SZT2: variants seen among roughly 807,000 people sequenced by gnomAD.
SZT2 encodes the protein KICSTOR complex protein SZT2.
In SZT2, 216 loss-of-function variants were observed where a neutral mutation model predicts 404.2. The ratio of observed to expected loss-of-function variants is 0.53; its 90% CI spans 0.48 to 0.60. SZT2 has a LOEUF of 0.60. SZT2 is among the 20% of genes least tolerant of loss of function. The pLI, the probability that SZT2 is intolerant of heterozygous loss-of-function variation, is 0.00. For synonymous variants in SZT2, 1,693 were observed against 1,749.9 expected (o/e 0.97, Z 0.81); for missense variants, 3,857 against 4,459.2 (o/e 0.86, Z 3.85).
chr1:43,402,618 C>T (rs1205326327), intron 1 of SZT2, among the ~76,000 whole-genome samples: 1 of 152,178 alleles, frequency 6.6e-6, no homozygotes, highest in East Asian at 1.9e-4. Flanking sequence ...AAGTGGCCAC[C>T]TATGAGGCAA....
At chr1:43,449,734 A>G in intron 70 of SZT2, 1 of 354,910 alleles carries the variant, frequency 2.8e-6, no homozygotes, top group Non-Finnish European at 5.4e-6. Context: ...GTTAGGGAGC[A>G]GATGGACATA....
chr1:43,416,388 T>A (rs982612421), intron 6 of SZT2, 147 bp from the exon 7 acceptor site: 4 of 697,882 alleles, frequency 5.7e-6, no homozygotes, highest in Middle Eastern at 7.9e-4. Context: ...GGAAAGGTGT[T>A]TGAAGTTTAT....
chr1:43,447,689 C>T lies in SZT2; in HGVS notation c.9431C>T (p.Ala3144Val), dbSNP rs866640490. 1.2e-6 allele frequency: 2 copies of T among 1,613,912 alleles called. No individual in the cohort carries two copies. Among genetic ancestry groups the T allele is most frequent in the Non-Finnish European group, 1.7e-6 (2 of 1,179,914 alleles). ...PEHNEYALVS[A>V]WHSSGSYLDS... ...CACAACGAGTATGCCCTGGTGTCGG[C>T]ATGGCACAGGTAAGGCTGAGAGGGG... Residue 3144 changes from alanine (A) to valine (V), a missense_variant, in exon 67 of 72, where the codon GCA (alanine) becomes GTA (valine). Around this residue, in one of 7 missense-constraint regions of SZT2, gnomAD observed 717 missense variants for 868.2 expected, o/e 0.83. Coordinates refer to ENST00000634258, the MANE Select transcript of SZT2 (RefSeq NM_001365999.1).
intron 62 of SZT2, 104 bp downstream of exon 62, chr1:43,443,900 C>G: frequency 1.4e-6 from 2 of 1,439,818 alleles, no homozygotes. Context: ...ACAATTTGGG[C>G]TGGGCCTGTG....
intron 4 of SZT2, among the ~76,000 whole-genome samples, chr1:43,408,903 TC>T (rs1219871495): frequency 6.6e-6 from 1 of 152,238 alleles, no homozygotes; most frequent in African/African-American, 2.4e-5. Context: ...AAGTAGTTGT[TC>T]CATGGGGTCA....
At chr1:43,391,733 A>G (rs1423095967) in intron 1 of SZT2, among the ~76,000 whole-genome samples, 1 of 152,252 alleles carries the variant, frequency 6.6e-6, no homozygotes, top group Non-Finnish European at 1.5e-5. Context: ...ACCGTCCTGT[A>G]GAAATCTAAA....
Position 43,425,222 on chromosome 1 carries a change from CT to C in SZT2, c.2645+16del. On this transcript the variant is annotated intron_variant, in intron 18 of 71. Coordinates refer to ENST00000634258, the MANE Select transcript of SZT2 (RefSeq NM_001365999.1). This position sits in a 1 kb window ranked among gnomAD's most constrained non-coding sequence, Gnocchi z 4.3. ...ACCAAAGACAGGTGAGACAGGCCAT[CT>C]GTGAGGGCCGCCTCTGCAGAGTCAG... 6.2e-7 allele frequency: 1 copy of C among 1,613,846 alleles called. No homozygotes were observed.
At chr1:43,430,444 C>T in intron 31 of SZT2, 52 bp from the exon 32 acceptor site, 2 of 1,604,450 alleles carry the variant, frequency 1.2e-6, no homozygotes, top group South Asian at 2.2e-5. Context: ...CGCCGAGATT[C>T]AAGGGTTCCA....
chr1:43,433,031 A>G lies in SZT2; in HGVS notation c.5645A>G (p.Asn1882Ser), dbSNP rs573213368. The change falls in exon 40 of 72, where the codon AAT (asparagine) becomes AGT (serine). Residue 1882 changes from asparagine to serine, a missense_variant. Coordinates refer to ENST00000634258, the MANE Select transcript of SZT2 (RefSeq NM_001365999.1). ...GSSGSDSEGP[N>S]DTLGEKAPFT... ...AGTGGCTCAGACAGTGAGGGTCCCA[A>G]TGACACCCTTGGTGAGAAGGCCCCC... 1.3e-4 allele frequency: 202 copies of G among 1,614,084 alleles called. No homozygotes were observed. The highest frequency in any genetic ancestry group is 1.7e-4 in the Non-Finnish European group (196 of 1,180,012).
chr1:43,420,385 AC>A lies in SZT2; in HGVS notation c.1261+65del. ...CTCTCAAGAATTTGTGTGTGGGAAG[AC>A]CCACATGTATCACACATGAAAGAGT... is the stretch of plus-strand genomic sequence containing the variant. On this transcript the variant is annotated intron_variant, in intron 9 of 71. Transcript: ENST00000634258. The surrounding 1 kb of genome is among the most constrained non-coding windows in gnomAD (Gnocchi z 5.1). 4.8e-6 allele frequency: 7 copies of A among 1,467,418 alleles called. No individual in the cohort carries two copies. Among genetic ancestry groups the A allele is most frequent in the Non-Finnish European group, 6.3e-6 (7 of 1,105,404 alleles). The allele number at this position is 1,467,418 out of a possible 1,614,324, so 90.9% of individuals were successfully genotyped here.
rs1008698980 is a variant in SZT2, at chr1:43,453,745, G to A, written c.*3265G>A. The A allele has an allele frequency of 1.4e-6, 2 of 1,381,988 alleles. No individual in the cohort carries two copies. The highest frequency in any genetic ancestry group is 1.9e-6 in the Non-Finnish European group (2 of 1,079,854). The allele number at this position is 1,381,988 out of a possible 1,614,324, so 85.6% of individuals were successfully genotyped here. A position where few individuals can be genotyped will look rare whatever the true frequency, so the allele number is the denominator to read the frequency against. ...CGCACCCGCGCGGGGAGGCCGGAGA[G>A]CTCGGGGAATAGCCAGGACAGATTG... On this transcript the variant is annotated 3_prime_UTR_variant, in exon 72 of 72. Coordinates refer to ENST00000634258, the MANE Select transcript of SZT2 (RefSeq NM_001365999.1).
In SZT2 at chr1:43,442,798, T is replaced by A. The variant is rs1452439667; in HGVS notation, c.8152-21T>A. On this transcript the variant is annotated intron_variant, in intron 58 of 71. Coordinates refer to ENST00000634258, the MANE Select transcript of SZT2 (RefSeq NM_001365999.1). The surrounding 1 kb of genome is among the most constrained non-coding windows in gnomAD (Gnocchi z 4.5). ...TCCGAGGGCAAAGGCTATGAACCCA[T>A]TGCAATGCTCCATCTCTCAGGAGCC... is the stretch of plus-strand genomic sequence containing the variant. 1 of 1,581,024 alleles carries A rather than the reference T, an allele frequency of 6.3e-7. No homozygotes were observed. The highest frequency in any genetic ancestry group is 8.6e-7 in the Non-Finnish European group (1 of 1,163,164).
Position 43,431,896 on chromosome 1 carries a change from A to G in SZT2, c.5269A>G (p.Lys1757Glu). The change falls in exon 36 of 72, where the codon AAG becomes GAG. Residue 1757 changes from lysine (K) to glutamate (E), a missense_variant. Lys to Glu is a moderately conservative substitution (Grantham distance 56, BLOSUM62 1). Coordinates refer to ENST00000634258, the MANE Select transcript of SZT2 (RefSeq NM_001365999.1). ...GCCAGAGCGTTCCCTCACACAATTC[A>G]AGGAGGTAAGTTGCCCTCCAAACAC... ...FGPERSLTQF[K>E]EEFRRLHLPG... The G allele has an allele frequency of 6.2e-7, 1 of 1,613,998 alleles. No individual in the cohort carries two copies. The highest frequency in any genetic ancestry group is 8.5e-7 in the Non-Finnish European group (1 of 1,179,998).
Position 43,448,750 on chromosome 1 carries a change from C to A in SZT2, c.10086+22C>A. 6.3e-7 allele frequency: 1 copy of A among 1,599,748 alleles called. No individual in the cohort carries two copies. Among genetic ancestry groups the A allele is most frequent in the South Asian group, 1.1e-5 (1 of 90,822 alleles). On this transcript the variant is annotated intron_variant, in intron 70 of 71. Coordinates refer to ENST00000634258, the MANE Select transcript of SZT2 (RefSeq NM_001365999.1). This position sits in a 1 kb window ranked among gnomAD's most constrained non-coding sequence, Gnocchi z 4.2. Reference sequence around the variant, plus strand: ...CCTGGTAAGTCCCCTTGAGCTTCCTCTGAAAAGGGAAACACAGCAGAAATC... The same window carrying A: ...CCTGGTAAGTCCCCTTGAGCTTCCTATGAAAAGGGAAACACAGCAGAAATC...
Position 43,430,367 on chromosome 1 carries a change from G to C in SZT2, c.4458G>C (p.Glu1486Asp). 6.2e-7 allele frequency: 1 copy of C among 1,609,488 alleles called. No individual in the cohort carries two copies. The highest frequency in any genetic ancestry group is 2.2e-5 in the East Asian group (1 of 44,868). The change falls in exon 31 of 72, where the codon GAG becomes GAC. Residue 1486 changes from glutamate (E) to aspartate (D), a missense_variant. Glu to Asp is a conservative substitution (Grantham distance 45). This residue lies in a region of SZT2 where 1,725 missense variants were observed against 1,881.0 expected (regional missense o/e 0.92). Coordinates refer to ENST00000634258, the MANE Select transcript of SZT2 (RefSeq NM_001365999.1). ...DRKISDLEFSEAELMGEEGDT... is the reference protein window; with the variant it reads ...DRKISDLEFSDAELMGEEGDT... Reference sequence around the variant, plus strand: ...AAATCAGTGACCTGGAGTTTTCAGAGGCTGAGCTTATGGGAGAAGAAGGTA... The same window carrying C: ...AAATCAGTGACCTGGAGTTTTCAGACGCTGAGCTTATGGGAGAAGAAGGTA...
rs1656606192 is a variant in SZT2, at chr1:43,452,994, A to G, written c.*2514A>G. 1 of 1,575,466 alleles carries G rather than the reference A, an allele frequency of 6.3e-7. No homozygotes were observed. The highest frequency in any genetic ancestry group is 1.1e-5 in the South Asian group (1 of 88,864). On this transcript the variant is annotated 3_prime_UTR_variant, in exon 72 of 72. Coordinates refer to ENST00000634258, the MANE Select transcript of SZT2 (RefSeq NM_001365999.1). ...ACACTCAACTTCCTGCCCATCAAGC[A>G]ATGCCCACTCCTTGAAGACAGTCCA... is the stretch of plus-strand genomic sequence containing the variant.
chr1:43,449,424 G>C (rs1656105839), intron 70 of SZT2: 1 of 160,312 alleles, frequency 6.2e-6, no homozygotes, highest in Admixed American at 5.8e-5. Context: ...GTGCAGGAAG[G>C]GTCTCCCAGA....
intron 4 of SZT2, chr1:43,409,777 A>G (rs1650783204): frequency 1.2e-5 from 2 of 172,400 alleles, no homozygotes; most frequent in Admixed American, 1.2e-4. Context: ...CAAAAATTGG[A>G]ATGATATTCC....
In SZT2 at chr1:43,437,554, C is replaced by T. The variant is rs1361078418; in HGVS notation, c.6291-41C>T. On this transcript the variant is annotated intron_variant, in intron 44 of 71. Transcript: ENST00000634258. This position sits in a 1 kb window ranked among gnomAD's most constrained non-coding sequence, Gnocchi z 5.3. ...GGGTAGGGCATGAATTAAGGATGGC[C>T]TGGGAGGAGGCATGTCCAAAGACAT... 1.7e-5 allele frequency: 27 copies of T among 1,613,930 alleles called. No individual in the cohort carries two copies. The highest frequency in any genetic ancestry group is 2.1e-5 in the Non-Finnish European group (25 of 1,179,970).
Sources: allele counts gnomAD v4.1 joint callset (sites outside exome capture counted in the v4.1 genomes callset), GRCh38; gene constraint gnomAD v4.1.1; regional missense constraint gnomAD v4.1.1; non-coding constraint Gnocchi (gnomAD v3.1); transcripts MANE v1.5; gene names NCBI Gene and HGNC (gene_info 2026-07-23, HGNC 2026-07-21).